CSMD1: variants seen among roughly 807,000 people sequenced by gnomAD.
CSMD1 encodes CUB and sushi domain-containing protein 1.
In CSMD1, 213 loss-of-function variants were observed where a neutral mutation model predicts 417.5. The ratio of observed to expected loss-of-function variants is 0.51; its 90% CI spans 0.46 to 0.57. The LOEUF is 0.57. CSMD1 is among the 20% of genes least tolerant of loss of function. The pLI is 0.00. For missense variants in CSMD1, 6,923 were observed against 4,529.7 expected, an observed-to-expected ratio of 1.53 and a Z score of -15.17; for synonymous variants, 2,862 against 1,736.8, an observed-to-expected ratio of 1.65 and a Z score of -16.11.
At chr8:4,480,833 G>C (rs909471313) in intron 2 of CSMD1, among the ~76,000 whole-genome samples, 1 of 152,122 alleles carries the variant, frequency 6.6e-6, no homozygotes, top group Non-Finnish European at 1.5e-5. Flanking sequence ...CCACATTCAG[G>C]TTTTGTCACA....
chr8:3,190,870 G>A (rs151108864), intron 33 of CSMD1, among the ~76,000 whole-genome samples: 1 of 152,166 alleles, frequency 6.6e-6, no homozygotes, highest in Non-Finnish European at 1.5e-5. Context: ...AGCCACAGAA[G>A]AACGAATACC....
At chr8:3,727,195 T>G (rs1219274079) in intron 6 of CSMD1, among the ~76,000 whole-genome samples, 3 of 152,206 alleles carry the variant, frequency 2.0e-5, no homozygotes, top group African/African-American at 7.2e-5. Context: ...AATGTTTAAT[T>G]TTAAATTGTG....
At chr8:3,797,811 C>A (rs1000677871) in intron 5 of CSMD1, among the ~76,000 whole-genome samples, 1 of 151,936 alleles carries the variant, frequency 6.6e-6, no homozygotes, top group African/African-American at 2.4e-5. Flanking sequence ...AGGTATATGT[C>A]TGACTTCATA....
At chr8:4,410,466 T>C (rs992751992) in intron 3 of CSMD1, among the ~76,000 whole-genome samples, 1 of 152,168 alleles carries the variant, frequency 6.6e-6, no homozygotes. Context: ...CAATATTTGA[T>C]GGTGTTTAAA....
At chr8:4,239,656 A>G (rs1358570400) in intron 3 of CSMD1, among the ~76,000 whole-genome samples, 9 of 152,308 alleles carry the variant, frequency 5.9e-5, no homozygotes, top group South Asian at 4.1e-4. Flanking sequence ...GCTCGGGGTC[A>G]CAGAGCATTG....
chr8:4,491,529 A>C (rs995842815), intron 2 of CSMD1, among the ~76,000 whole-genome samples: 5 of 151,990 alleles, frequency 3.3e-5, no homozygotes, highest in Middle Eastern at 6.3e-3. Context: ...CACATTTCAT[A>C]GTCTGTCTCC....
intron 3 of CSMD1, among the ~76,000 whole-genome samples, chr8:4,072,416 CATTAT>C (rs2130783792): frequency 1.3e-5 from 2 of 152,208 alleles, no homozygotes; most frequent in East Asian, 1.9e-4. Context: ...CATTTTACAC[CATTAT>C]ATTATTTCAA....
chr8:4,247,861 A>T, intron 3 of CSMD1, among the ~76,000 whole-genome samples: 1 of 152,198 alleles, frequency 6.6e-6, no homozygotes, highest in East Asian at 1.9e-4. Context: ...ACATCGTTAT[A>T]GAAATACAAT....
chr8:2,997,985 G>A, intron 54 of CSMD1, 26 bp downstream of exon 54: 2 of 1,605,356 alleles, frequency 1.2e-6, no homozygotes, highest in Non-Finnish European at 8.5e-7. Flanking sequence ...CAGAGCAAAG[G>A]GCTCATTCCT....
intron 10 of CSMD1, among the ~76,000 whole-genome samples, chr8:3,507,777 G>C (rs769231418): frequency 1.6e-4 from 25 of 152,180 alleles, no homozygotes; most frequent in Non-Finnish European, 3.1e-4. Flanking sequence ...ATTTTTTCAT[G>C]TGTTTTTTTG....
At chr8:4,092,342 G>A (rs1233297213) in intron 3 of CSMD1, among the ~76,000 whole-genome samples, 1 of 152,152 alleles carries the variant, frequency 6.6e-6, no homozygotes, top group Non-Finnish European at 1.5e-5. Context: ...TGCTCCAGGA[G>A]AATCATGACG....
chr8:4,468,141 G>A (rs926160521), intron 2 of CSMD1, among the ~76,000 whole-genome samples: 1 of 152,150 alleles, frequency 6.6e-6, no homozygotes, highest in Non-Finnish European at 1.5e-5. Context: ...ACTAAAAAAA[G>A]CCTACAGCTC....
intron 5 of CSMD1, among the ~76,000 whole-genome samples, chr8:3,835,298 G>C (rs1234465665): frequency 6.6e-6 from 1 of 152,082 alleles, no homozygotes; most frequent in Non-Finnish European, 1.5e-5. Flanking sequence ...ATTCACAATA[G>C]CAAAGACTTG....
At chr8:4,330,787 T>A (rs1029289254) in intron 3 of CSMD1, among the ~76,000 whole-genome samples, 1 of 152,092 alleles carries the variant, frequency 6.6e-6, no homozygotes, top group African/African-American at 2.4e-5. Flanking sequence ...TATCATTTCT[T>A]TCCCTATCTA....
At chr8:3,846,349 T>C (rs1270281638) in intron 5 of CSMD1, among the ~76,000 whole-genome samples, 1 of 152,188 alleles carries the variant, frequency 6.6e-6, no homozygotes, top group Non-Finnish European at 1.5e-5. Context: ...ACATGGTCCA[T>C]AGCTGATTAA....
intron 1 of CSMD1, among the ~76,000 whole-genome samples, chr8:4,976,326 C>G (rs1188321033): frequency 6.6e-6 from 1 of 152,078 alleles, no homozygotes; most frequent in Non-Finnish European, 1.5e-5. Flanking sequence ...TGCAGCTGTT[C>G]CTTCTCTCAG....
intron 5 of CSMD1, among the ~76,000 whole-genome samples, chr8:3,868,231 G>A (rs368029490): frequency 1.8e-5 from 1 of 54,658 alleles, no homozygotes; most frequent in Non-Finnish European, 3.1e-5. Flanking sequence ...GAACGAGGAT[G>A]GGGGGGCATC....
intron 10 of CSMD1, among the ~76,000 whole-genome samples, chr8:3,545,553 G>A (rs35639145): frequency 1.3e-5 from 2 of 151,918 alleles, no homozygotes; most frequent in African/African-American, 4.9e-5. Flanking sequence ...ATGTGATGTA[G>A]ACTACAAATG....
At chr8:4,875,615 T>C (rs1802997891) in intron 1 of CSMD1, among the ~76,000 whole-genome samples, 1 of 152,092 alleles carries the variant, frequency 6.6e-6, no homozygotes, top group Non-Finnish European at 1.5e-5. Flanking sequence ...TAGCTTGAGT[T>C]GTTTGCAATA....
Sources: gnomAD v4.1 joint callset for allele counts (sites outside exome capture counted in the v4.1 genomes callset) on GRCh38, gnomAD v4.1.1 for gene constraint, MANE v1.5 for transcripts, NCBI Gene and HGNC (gene_info 2026-07-23, HGNC 2026-07-21) for gene names.